ROBO2: variants seen among roughly 807,000 people sequenced by gnomAD.
ROBO2 encodes roundabout guidance receptor 2.
A neutral mutation model predicts 160.8 loss-of-function variants in ROBO2; 53 were observed. The ratio of observed to expected loss-of-function variants is 0.33; its 90% CI spans 0.26 to 0.41. The LOEUF is 0.41. Among genes scored for constraint, ROBO2 ranks in the 10% least tolerant of loss-of-function variants. The pLI is 1.00. For synonymous variants in ROBO2, 664 were observed against 611.7 expected (o/e 1.09, Z -1.26); for missense variants, 1,577 against 1,722.4 (o/e 0.92, Z 1.49).
chr3:76,959,935 T>C (rs1297210952), intron 2 of ROBO2, among the ~76,000 whole-genome samples: 1 of 151,520 alleles, frequency 6.6e-6, no homozygotes, highest in Non-Finnish European at 1.5e-5. Flanking sequence ...TTCACATTTC[T>C]CATAATTTAT....
intron 1 of ROBO2, among the ~76,000 whole-genome samples, chr3:77,074,445 CTTTGTA>C (rs1285067743): frequency 6.6e-6 from 1 of 152,060 alleles, no homozygotes; most frequent in Non-Finnish European, 1.5e-5. Flanking sequence ...CTGAGAGGGT[CTTTGTA>C]TTTATCTATT....
chr3:76,448,898 G>C (rs1424288921), intron 2 of ROBO2, among the ~76,000 whole-genome samples: 1 of 152,074 alleles, frequency 6.6e-6, no homozygotes, highest in Non-Finnish European at 1.5e-5. Flanking sequence ...CTAAATCACT[G>C]CATCCCTATT....
intron 2 of ROBO2, among the ~76,000 whole-genome samples, chr3:76,143,342 T>G (rs916528457): frequency 6.6e-6 from 1 of 152,040 alleles, no homozygotes; most frequent in Non-Finnish European, 1.5e-5. Flanking sequence ...AGCTGGGCAT[T>G]TAAATCCCTA....
intron 2 of ROBO2, among the ~76,000 whole-genome samples, chr3:76,545,524 A>G (rs2083047914): frequency 1.3e-5 from 2 of 151,966 alleles, no homozygotes. Flanking sequence ...AGAATTATGG[A>G]TTCTGTCTTC....
intron 2 of ROBO2, among the ~76,000 whole-genome samples, chr3:77,468,139 G>A (rs1315333351): frequency 6.6e-6 from 1 of 152,158 alleles, no homozygotes; most frequent in East Asian, 1.9e-4. Context: ...GAAAGAAAAG[G>A]AACTGATTAA....
chr3:75,944,554 A>G (rs1197171246), intron 2 of ROBO2, among the ~76,000 whole-genome samples: 1 of 152,150 alleles, frequency 6.6e-6, no homozygotes, highest in African/African-American at 2.4e-5. Context: ...TAAAGGCTGT[A>G]CACAGTGTTC....
intron 2 of ROBO2, among the ~76,000 whole-genome samples, chr3:76,051,119 G>A (rs533412639): frequency 6.6e-6 from 1 of 151,624 alleles, no homozygotes; most frequent in East Asian, 1.9e-4. Context: ...TATATATATT[G>A]CCATATTGCC....
At chr3:76,865,529 C>T (rs1210949005) in intron 2 of ROBO2, among the ~76,000 whole-genome samples, 1 of 152,060 alleles carries the variant, frequency 6.6e-6, no homozygotes, top group Admixed American at 6.6e-5. Context: ...CATTCTGGTT[C>T]ATCCACACTC....
chr3:76,195,498 A>G (rs986263830), intron 2 of ROBO2, among the ~76,000 whole-genome samples: 1 of 152,234 alleles, frequency 6.6e-6, no homozygotes, highest in Non-Finnish European at 1.5e-5. Context: ...AAATGTATGC[A>G]GACTATTTAG....
chr3:76,876,623 C>T (rs778333971), intron 2 of ROBO2, among the ~76,000 whole-genome samples: 2 of 151,328 alleles, frequency 1.3e-5, no homozygotes, highest in African/African-American at 2.4e-5. Context: ...TGCAGTGAGC[C>T]GAGATCATGC....
At chr3:77,410,743 T>TCC (rs2076724877) in intron 2 of ROBO2, among the ~76,000 whole-genome samples, 11 of 29,600 alleles carry the variant, frequency 3.7e-4, no homozygotes, top group East Asian at 1.1e-3. Flanking sequence ...TCCTCCTCCT[T>TCC]TTCCTCCTCC....
intron 2 of ROBO2, among the ~76,000 whole-genome samples, chr3:76,404,895 T>C (rs2078042441): frequency 6.6e-6 from 1 of 151,642 alleles, no homozygotes; most frequent in African/African-American, 2.4e-5. Context: ...GGTTATAAAA[T>C]GCAAATATTC....
At chr3:76,041,190 G>A (rs368018706) in intron 2 of ROBO2, among the ~76,000 whole-genome samples, 12 of 151,946 alleles carry the variant, frequency 7.9e-5, no homozygotes, top group African/African-American at 2.9e-4. Context: ...ATGACTATCT[G>A]GTAACTGAAG....
intron 2 of ROBO2, among the ~76,000 whole-genome samples, chr3:76,938,958 C>G (rs1384855883): frequency 9.9e-6 from 1 of 101,208 alleles, no homozygotes; most frequent in Non-Finnish European, 2.0e-5. Context: ...GCGACAAGAG[C>G]AAAACTCAGT....
At chr3:76,882,629 A>T (rs1413601009) in intron 2 of ROBO2, among the ~76,000 whole-genome samples, 2 of 152,212 alleles carry the variant, frequency 1.3e-5, no homozygotes, top group African/African-American at 2.4e-5. Flanking sequence ...TAAAAATAAA[A>T]TTAGCAAAAC....
At chr3:77,472,759 G>A (rs60211326) in intron 2 of ROBO2, among the ~76,000 whole-genome samples, 24,928 of 151,892 alleles carry the variant, frequency 0.16, 2,168 homozygotes, top group South Asian at 0.24. Context: ...ACAAGCAATC[G>A]TATATATTAT....
chr3:76,555,413 AGAAGAAAGAAGG>A lies in ROBO2; in HGVS notation c.110-542600_110-542589del, dbSNP rs1251567335. 9.4e-4 allele frequency among the ~76,000 whole-genome samples: 65 copies of A among 68,926 alleles called. 1 individual carries two copies. Among genetic ancestry groups the A allele is most frequent in the South Asian group, 3.9e-3 (6 of 1,534 alleles). The allele number at this position is 68,926 out of a possible 152,430, so 45.2% of individuals were successfully genotyped here. A position where few individuals can be genotyped will look rare whatever the true frequency, so the allele number is the denominator to read the frequency against. On this transcript the variant is annotated intron_variant, in intron 2 of 26. Coordinates refer to the ROBO2 transcript ENST00000487694. ...AAGAAGAAGAAGAAGAAGAAGAAGA[AGAAGAAAGAAGG>A]AGAAGGGGAAGGGGAAGAGGAAGAG...
At chr3:76,269,946 A>C (rs1707332151) in intron 2 of ROBO2, among the ~76,000 whole-genome samples, 1 of 152,022 alleles carries the variant, frequency 6.6e-6, no homozygotes, top group Non-Finnish European at 1.5e-5. Context: ...ACTCTGGGTG[A>C]AGTTAAATGA....
At chr3:76,488,482 T>G (rs2079621574) in intron 2 of ROBO2, among the ~76,000 whole-genome samples, 1 of 152,090 alleles carries the variant, frequency 6.6e-6, no homozygotes, top group South Asian at 2.1e-4. Context: ...TGCCGTGTGG[T>G]CCTCTCCACA....
Sources: allele counts gnomAD v4.1 joint callset (sites outside exome capture counted in the v4.1 genomes callset), GRCh38; gene constraint gnomAD v4.1.1; transcripts MANE v1.5; gene names NCBI Gene and HGNC (gene_info 2026-07-23, HGNC 2026-07-21).